PPP6R3: variants seen among roughly 807,000 people sequenced by gnomAD.
PPP6R3 encodes the protein serine/threonine-protein phosphatase 6 regulatory subunit 3.
PPP6R3 carries 38 observed loss-of-function variants against 110.7 expected under a neutral mutation model. The observed-to-expected ratio is 0.34, with a 90% confidence interval of 0.26 to 0.45. The LOEUF is 0.45. Ranked by LOEUF, PPP6R3 falls within the 20% of genes least tolerant of loss-of-function variation. PPP6R3 has a pLI of 1.00. For synonymous variants in PPP6R3, 369 were observed against 373.5 expected (o/e 0.99, Z 0.14); for missense variants, 870 against 1,062.4 (o/e 0.82, Z 2.52).
At position 68,491,306 on chromosome 11, in the gene PPP6R3, G is replaced by A. The variant is rs542261876; in HGVS notation, c.-157-28195G>A. Among the ~76,000 whole-genome samples, 4 of 150,842 alleles carry A rather than the reference G, an allele frequency of 2.7e-5. No individual in the cohort carries two copies. In the East Asian group the frequency reaches 7.8e-4, roughly 29 times the overall value. On this transcript the variant is annotated intron_variant, in intron 1 of 23. Transcript: ENST00000393800. Reference sequence around the variant, plus strand: ...TTTCAGAGTCTCAGTGTTTAAACCAGAAGGTTGTTAAGTGTCTTCAGCTGT... The same window carrying A: ...TTTCAGAGTCTCAGTGTTTAAACCAAAAGGTTGTTAAGTGTCTTCAGCTGT...
At chr11:68,514,158 G>A (rs1292271458) in intron 1 of PPP6R3, among the ~76,000 whole-genome samples, 1 of 152,104 alleles carries the variant, frequency 6.6e-6, no homozygotes, top group African/African-American at 2.4e-5. Flanking sequence ...CAAACTCCTG[G>A]GCCTTAAGTG....
At chr11:68,485,918 T>C (rs1212622110) in intron 1 of PPP6R3, among the ~76,000 whole-genome samples, 1 of 151,550 alleles carries the variant, frequency 6.6e-6, no homozygotes, top group South Asian at 2.1e-4. Context: ...ACCTGTAATC[T>C]CAACACTTTG....
chr11:68,500,402 C>T (rs1372758686), intron 1 of PPP6R3, among the ~76,000 whole-genome samples: 1 of 152,110 alleles, frequency 6.6e-6, no homozygotes, highest in Non-Finnish European at 1.5e-5. Flanking sequence ...TGTGTAGCCT[C>T]TGTTTTATGT....
Position 68,600,393 on chromosome 11 carries a change from T to G in PPP6R3, c.2091T>G (p.Ala697=), listed in dbSNP as rs1423159687. Residue 697 remains alanine (A), a synonymous_variant, in exon 20 of 24, where the codon GCT becomes GCG. Transcript: ENST00000393800. Reference sequence around the variant, plus strand: ...TCCCAATGGAAACAACCCACGGTGCTCCATTGGATTCTGTGGGATCTGATG... The same window carrying G: ...TCCCAATGGAAACAACCCACGGTGCGCCATTGGATTCTGTGGGATCTGATG... ...FDVPMETTHG[A]PLDSVGSDVW... is the part of the protein sequence containing the mutation. 1 of 1,614,108 alleles carries G rather than the reference T, an allele frequency of 6.2e-7. No homozygotes were observed. The highest frequency in any genetic ancestry group is 8.5e-7 in the Non-Finnish European group (1 of 1,179,978).
chr11:68,511,779 C>T (rs1475789565), intron 1 of PPP6R3, among the ~76,000 whole-genome samples: 1 of 94,074 alleles, frequency 1.1e-5, no homozygotes, highest in African/African-American at 4.8e-5. Context: ...CTGCGCCCAG[C>T]CGTGTGTGTG....
intron 2 of PPP6R3, 149 bp downstream of exon 2, chr11:68,519,800 A>G: frequency 2.6e-6 from 1 of 390,762 alleles, no homozygotes. Context: ...GTACTGTGGT[A>G]TTTTTAGGAA....
chr11:68,500,894 T>G (rs1045359767), intron 1 of PPP6R3, among the ~76,000 whole-genome samples: 2 of 152,228 alleles, frequency 1.3e-5, no homozygotes, highest in African/African-American at 4.8e-5. Flanking sequence ...TGAAATTCAT[T>G]TAGACCAGAG....
Position 68,519,611 on chromosome 11 carries a change from G to A in PPP6R3, c.-47G>A. On this transcript the variant is annotated 5_prime_UTR_variant, in exon 2 of 24. Transcript: ENST00000393800. ...CCTGTAATGGGCAAGGAGCCACAAA[G>A]AAGAAAACATTTCTTTTAATTTTTA... 2.5e-6 allele frequency: 1 copy of A among 398,568 alleles called. No individual in the cohort carries two copies. Among genetic ancestry groups the A allele is most frequent in the Non-Finnish European group, 4.4e-6 (1 of 226,048 alleles). 24.7% of individuals were successfully genotyped at this position (398,568 alleles called of 1,614,324 possible). A position where few individuals can be genotyped will look rare whatever the true frequency, so the allele number is the denominator to read the frequency against.
In PPP6R3 at chr11:68,558,554, T is replaced by A. The variant is rs773406440; in HGVS notation, c.732-12T>A. Reference sequence around the variant, plus strand: ...GATACTGCAGTTAGTGATTATTGATTTGTTTCCCTAGGCAAGAAATTATAG... The same window carrying A: ...GATACTGCAGTTAGTGATTATTGATATGTTTCCCTAGGCAAGAAATTATAG... On this transcript the variant is annotated splice_polypyrimidine_tract_variant and intron_variant, in intron 7 of 23. Coordinates refer to ENST00000393800, the MANE Select transcript of PPP6R3 (RefSeq NM_001164161.2). The A allele has an allele frequency of 3.8e-6, 6 of 1,576,444 alleles. No homozygotes were observed. Among genetic ancestry groups the A allele is most frequent in the Non-Finnish European group, 5.2e-6 (6 of 1,148,460 alleles).
intron 1 of PPP6R3, among the ~76,000 whole-genome samples, chr11:68,501,635 A>T (rs1193810587): frequency 6.6e-6 from 1 of 152,202 alleles, no homozygotes; most frequent in Non-Finnish European, 1.5e-5. Context: ...CCTTCAAATT[A>T]TTTCTTAAAA....
chr11:68,536,513 C>G (rs1260256176), intron 2 of PPP6R3, among the ~76,000 whole-genome samples: 1 of 152,134 alleles, frequency 6.6e-6, no homozygotes. Context: ...GATGCTCCCG[C>G]CTTGTGCCTG....
chr11:68,497,996 G>A (rs2099027781), intron 1 of PPP6R3, among the ~76,000 whole-genome samples: 2 of 152,148 alleles, frequency 1.3e-5, no homozygotes, highest in African/African-American at 4.8e-5. Flanking sequence ...GACCTGGATA[G>A]TTTGTTCTGT....
At chr11:68,559,375 A>T (rs1164875041) in intron 8 of PPP6R3, among the ~76,000 whole-genome samples, 8 of 152,268 alleles carry the variant, frequency 5.3e-5, no homozygotes, top group Admixed American at 5.2e-4. Context: ...CTCTTAGAGC[A>T]TGAGAATCTG....
At chr11:68,603,909 A>G (rs1290096807) in intron 22 of PPP6R3, among the ~76,000 whole-genome samples, 1 of 152,248 alleles carries the variant, frequency 6.6e-6, no homozygotes, top group African/African-American at 2.4e-5. Context: ...ATGAAAATTC[A>G]GTAGCAAAAT....
intron 1 of PPP6R3, among the ~76,000 whole-genome samples, chr11:68,481,190 A>G (rs983547165): frequency 6.6e-6 from 1 of 152,210 alleles, no homozygotes; most frequent in Admixed American, 6.5e-5. Context: ...CCAATAAATT[A>G]AAAAGAGGCC....
In PPP6R3 at chr11:68,613,516, G is replaced by A. The variant is rs1463782921; in HGVS notation, c.*399G>A. The A allele has an allele frequency of 5.1e-6, 5 of 988,676 alleles. No homozygotes were observed. The African/African-American group carries it at 8.7e-5, about 17-fold the overall frequency. The allele number at this position is 988,676 out of a possible 1,614,324, so 61.2% of individuals were successfully genotyped here. A position where few individuals can be genotyped will look rare whatever the true frequency, so the allele number is the denominator to read the frequency against. ...AATTATTAGTGTGACCAAAGTATTA[G>A]GCGGTTTTCATACATTTTTCACCTT... On this transcript the variant is annotated 3_prime_UTR_variant, in exon 24 of 24. Coordinates refer to ENST00000393800, the MANE Select transcript of PPP6R3 (RefSeq NM_001164161.2).
At chr11:68,611,415 A>C (rs1017450088) in intron 23 of PPP6R3, among the ~76,000 whole-genome samples, 2 of 152,212 alleles carry the variant, frequency 1.3e-5, no homozygotes, top group African/African-American at 2.4e-5. Flanking sequence ...AATTGTTTGC[A>C]TAAGGGGAAG....
chr11:68,515,832 T>C (rs1051884616), intron 1 of PPP6R3, among the ~76,000 whole-genome samples: 1 of 152,234 alleles, frequency 6.6e-6, no homozygotes, highest in African/African-American at 2.4e-5. Context: ...AGGACAGACA[T>C]TCAGCCAGAA....
At chr11:68,489,552 T>TGTGTGTGTGTGTGTGTGTGTGTG (rs1491233294) in intron 1 of PPP6R3, among the ~76,000 whole-genome samples, 1 of 144,950 alleles carries the variant, frequency 6.9e-6, no homozygotes, top group Non-Finnish European at 1.5e-5. Context: ...TACTGTGTGT[T>TGTGTGTGTGTGTGTGTGTGTGTG]TGTGTGTGTG....
Sources: gnomAD v4.1 joint callset for allele counts (sites outside exome capture counted in the v4.1 genomes callset) on GRCh38, gnomAD v4.1.1 for gene constraint, MANE v1.5 for transcripts, NCBI Gene and HGNC (gene_info 2026-07-23, HGNC 2026-07-21) for gene names.